PRSS37: variants seen among roughly 807,000 people sequenced by gnomAD.
The protein encoded by PRSS37 is serine protease 37, also known as probable inactive serine protease 37.
PRSS37 carries 25 observed loss-of-function variants against 28.0 expected under a neutral mutation model. The observed-to-expected ratio is 0.89, with a 90% CI of 0.65 to 1.25. The LOEUF is 1.25. Ranked by LOEUF, PRSS37 falls within the 50% of genes most tolerant of loss-of-function variation. The pLI, the probability that PRSS37 is intolerant of heterozygous loss-of-function variation, is 0.00. For synonymous variants in PRSS37, 109 were observed against 107.8 expected, an observed-to-expected ratio of 1.01 and a Z score of -0.07; for missense variants, 282 against 292.2, an observed-to-expected ratio of 0.97 and a Z score of 0.25.
rs144194211 is a variant in PRSS37, at chr7:141,840,418, A to G, written c.34+598T>C. On this transcript the variant is annotated intron_variant, in intron 1 of 4. Transcript: ENST00000350549. Reference sequence around the variant, plus strand: ...TGTGATCACACAGTTAGAAACCCCAAAGAGAAAAGGGTAGACTGTAAACAA... The same window carrying G: ...TGTGATCACACAGTTAGAAACCCCAGAGAGAAAAGGGTAGACTGTAAACAA... Among the ~76,000 whole-genome samples, 8 of 152,244 alleles carry G rather than the reference A, an allele frequency of 5.3e-5. No individual in the cohort carries two copies. In the East Asian group the frequency reaches 1.5e-3, roughly 29 times the overall value.
intron 4 of PRSS37, among the ~76,000 whole-genome samples, chr7:141,836,747 GTC>G (rs1800971262): frequency 6.6e-6 from 1 of 152,296 alleles, no homozygotes; most frequent in South Asian, 2.1e-4. Flanking sequence ...TCAGAGGACA[GTC>G]TCTCTAGAAA....
In PRSS37 at chr7:141,836,466, C is replaced by T. The variant is rs749777233; in HGVS notation, c.637G>A (p.Gly213Arg). The change falls in exon 5 of 5, where the codon GGG becomes AGG. Residue 213 changes from glycine (G) to arginine (R), a missense_variant. Coordinates refer to ENST00000350549, the MANE Select transcript of PRSS37 (RefSeq NM_001008270.3). The part of the protein sequence containing the change: ...QGIEVGHFMG[G>R]DVGIYTNVYK... ...ACATTGGTGTAGATGCCGACGTCCC[C>T]TCCCATGAAGTGCCCCACCTCGATT... 2.3e-5 allele frequency: 37 copies of T among 1,613,826 alleles called. No homozygotes were observed. In the African/African-American group the frequency reaches 3.1e-4, roughly 13 times the overall value.
At chr7:141,838,701 G>A (rs1295942298) in intron 2 of PRSS37, 1 of 255,866 alleles carries the variant, frequency 3.9e-6, no homozygotes, top group African/African-American at 2.3e-5. Flanking sequence ...GTCACAGAGT[G>A]GCTGTGCTCC....
chr7:141,840,886 C>G, intron 1 of PRSS37, 130 bp downstream of exon 1: 1 of 869,252 alleles, frequency 1.2e-6, no homozygotes, highest in South Asian at 1.6e-5. Flanking sequence ...GTCTGAGAGG[C>G]AGGACTCCTA....
chr7:141,840,084 CAAAT>C (rs1165058092), intron 1 of PRSS37, among the ~76,000 whole-genome samples: 2 of 151,786 alleles, frequency 1.3e-5, no homozygotes, highest in South Asian at 2.1e-4. Context: ...TGTCTAAAAA[CAAAT>C]AAATAAAAAC....
chr7:141,839,559 A>G, intron 1 of PRSS37, 80 bp from the exon 2 acceptor site: 1 of 1,169,634 alleles, frequency 8.5e-7, no homozygotes, highest in Non-Finnish European at 1.2e-6. Context: ...AGGAATCTGG[A>G]TGATTCTTAA....
chr7:141,839,508 A>G (rs1801089646), intron 1 of PRSS37, 29 bp from the exon 2 acceptor site: 2 of 1,519,900 alleles, frequency 1.3e-6, no homozygotes, highest in Non-Finnish European at 1.8e-6. Flanking sequence ...TTCTTAATAC[A>G]TAAATATTAT....
chr7:141,839,640 G>A (rs1330629137), intron 1 of PRSS37, among the ~76,000 whole-genome samples, 161 bp from the exon 2 acceptor site: 4 of 151,914 alleles, frequency 2.6e-5, no homozygotes, highest in Non-Finnish European at 4.4e-5. Context: ...AAATTAAAAC[G>A]ATATGCCATT....
rs1563053503 is a variant in PRSS37 at position 141,841,066 on chromosome 7, C to A, written c.-17G>T. 6.2e-7 allele frequency: 1 copy of A among 1,613,460 alleles called. No individual in the cohort carries two copies. Among genetic ancestry groups the A allele is most frequent in the South Asian group, 1.1e-5 (1 of 91,076 alleles). On this transcript the variant is annotated 5_prime_UTR_variant, in exon 1 of 5. Transcript: ENST00000350549. Reference sequence around the variant, plus strand: ...ATATTTCATGGTGATCCAGCTCTTCCCCCTGTGAGATGTAGAAGAAAATCA... The same window carrying A: ...ATATTTCATGGTGATCCAGCTCTTCACCCTGTGAGATGTAGAAGAAAATCA...
Position 141,837,210 on chromosome 7 carries a change from C to T in PRSS37, c.469G>A (p.Val157Met), listed in dbSNP as rs761722586. Residue 157 changes from valine to methionine, a missense_variant, in exon 4 of 5, where the codon GTG (valine) becomes ATG (methionine). Physicochemically the swap from Val to Met is conservative, Grantham distance 21. Transcript: ENST00000350549. ...TTTTGGCATTCTCGATCAGACATCA[C>T]GGGGGCCTCCAGGTTCTGCCGCAAG... ...PDLRQNLEAP[V>M]MSDRECQKTE... is the part of the protein sequence containing the mutation. 40 of 1,611,080 alleles carry T rather than the reference C, an allele frequency of 2.5e-5. No homozygotes were observed. The highest frequency in any genetic ancestry group is 6.6e-5 in the South Asian group (6 of 90,336).
At position 141,839,406 on chromosome 7, in the gene PRSS37, G is replaced by A; in HGVS notation, c.108C>T (p.His36=). ...PAPYLVYLKS[H]FNPCVGVLIK... The stretch of plus-strand genomic sequence containing the variant: ...TGAGGACGCCCACACAGGGGTTGAA[G>A]TGAGACTTGAGGTACACCAAATAGG... The change falls in exon 2 of 5, where the codon CAC becomes CAT. Residue 36 remains histidine, a synonymous_variant. Transcript: ENST00000350549. 1 of 1,613,836 alleles carries A rather than the reference G, an allele frequency of 6.2e-7. No individual in the cohort carries two copies. The highest frequency in any genetic ancestry group is 8.5e-7 in the Non-Finnish European group (1 of 1,179,766).
intron 2 of PRSS37, 24 bp from the exon 3 acceptor site, chr7:141,838,137 A>AATCATCAAC (rs779886290): frequency 6.5e-7 from 1 of 1,546,854 alleles, no homozygotes; most frequent in Non-Finnish European, 8.8e-7. Context: ...GGTTGGAAGT[A>AATCATCAAC]ATCATCATCA....
chr7:141,841,043 A>G lies in PRSS37; in HGVS notation c.7T>C (p.Tyr3His). MK[Y>H]VFYLGVLAGT... is the part of the protein sequence containing the mutation. ...GCGAGGACACCCAAATAGAAGACAT[A>G]TTTCATGGTGATCCAGCTCTTCCCC... The change falls in exon 1 of 5, where the codon TAT (tyrosine) becomes CAT (histidine). Residue 3 changes from tyrosine (Y) to histidine (H), a missense_variant. Physicochemically the swap from Tyr to His is moderately conservative, Grantham distance 83 (BLOSUM62 2). Coordinates refer to ENST00000350549, the MANE Select transcript of PRSS37 (RefSeq NM_001008270.3). The G allele has an allele frequency of 1.2e-6, 2 of 1,613,800 alleles. No individual in the cohort carries two copies. The highest frequency in any genetic ancestry group is 1.7e-6 in the Non-Finnish European group (2 of 1,179,716).
chr7:141,838,237 A>G, intron 2 of PRSS37, 124 bp from the exon 3 acceptor site: 1 of 1,515,798 alleles, frequency 6.6e-7, no homozygotes, highest in South Asian at 1.3e-5. Context: ...TTAACTCACA[A>G]CAAGTCTATG....
Position 141,837,944 on chromosome 7 carries a change from G to C in PRSS37, c.346C>G (p.Gln116Glu), listed in dbSNP as rs1345064340. Reference protein sequence around the residue: ...AKPAMLNPKVQPLTLATTNVR... With the variant: ...AKPAMLNPKVEPLTLATTNVR... ...TTGGTGGTGGCGAGGGTAAGGGGCT[G>C]GACTTTGGGATTGAGCATGGCAGGC... The change falls in exon 3 of 5, where the codon CAG (glutamine) becomes GAG (glutamate). Residue 116 changes from glutamine (Q) to glutamate (E), a missense_variant. Gln to Glu is a conservative substitution (Grantham distance 29). Coordinates refer to ENST00000350549, the MANE Select transcript of PRSS37 (RefSeq NM_001008270.3). The C allele has an allele frequency of 1.2e-6, 2 of 1,614,104 alleles. No homozygotes were observed. The highest frequency in any genetic ancestry group is 1.7e-6 in the Non-Finnish European group (2 of 1,180,012).
At chr7:141,839,215 A>G (rs1801078618) in intron 2 of PRSS37, 123 bp downstream of exon 2, 1 of 1,021,420 alleles carries the variant, frequency 9.8e-7, no homozygotes, top group Non-Finnish European at 1.4e-6. Context: ...CCTGGTTGTG[A>G]CAACCAAAAA....
intron 2 of PRSS37, 76 bp from the exon 3 acceptor site, chr7:141,838,189 C>A: frequency 6.3e-7 from 1 of 1,591,636 alleles, no homozygotes; most frequent in South Asian, 1.1e-5. Context: ...TACAAAGTGC[C>A]AGGAACTGTA....
chr7:141,839,148 A>T, intron 2 of PRSS37, 190 bp downstream of exon 2: 1 of 641,564 alleles, frequency 1.6e-6, no homozygotes, highest in South Asian at 1.8e-5. Context: ...GAATTGTAGG[A>T]TGTTAAACAG....
chr7:141,839,543 T>C, intron 1 of PRSS37, 64 bp from the exon 2 acceptor site: 2 of 1,311,304 alleles, frequency 1.5e-6, no homozygotes, highest in South Asian at 2.7e-5. Flanking sequence ...AGTCTCTTAC[T>C]TGAAAAGGAA....
Sources: allele counts gnomAD v4.1 joint callset (sites outside exome capture counted in the v4.1 genomes callset), GRCh38; gene constraint gnomAD v4.1.1; transcripts MANE v1.5; gene names NCBI Gene and HGNC (gene_info 2026-07-23, HGNC 2026-07-21).